KIF24: variants seen among roughly 807,000 people sequenced by gnomAD.
KIF24 encodes kinesin family member 24.
KIF24 carries 81 observed loss-of-function variants against 118.9 expected under a neutral mutation model. The observed-to-expected ratio is 0.68, with a 90% CI of 0.57 to 0.82. The LOEUF is 0.82. KIF24 is among the 40% of genes least tolerant of loss of function. The probability of loss-of-function intolerance (pLI) is 0.00; values close to 1 mark genes in which losing one functional copy is unlikely to be tolerated. For missense variants in KIF24, 1,560 were observed against 1,661.6 expected (o/e 0.94, Z 1.06); for synonymous variants, 599 against 610.0 (o/e 0.98, Z 0.27).
intron 9 of KIF24, among the ~76,000 whole-genome samples, chr9:34,262,393 A>G (rs1835088630): frequency 6.6e-6 from 1 of 152,036 alleles, no homozygotes; most frequent in African/African-American, 2.4e-5. Flanking sequence ...ACGCTTGGGA[A>G]GAAAAGTTGT....
At chr9:34,255,556 T>C (rs1050301201) in intron 11 of KIF24, among the ~76,000 whole-genome samples, 179 bp downstream of exon 11, 1 of 152,206 alleles carries the variant, frequency 6.6e-6, no homozygotes, top group African/African-American at 2.4e-5. Flanking sequence ...TTGCCTGGTC[T>C]GCTATCATTT....
chr9:34,329,853 G>GGGT (rs140851024), upstream of KIF24, among the ~76,000 whole-genome samples: 34,225 of 152,020 alleles, frequency 0.23, 4,511 homozygotes, highest in East Asian at 0.61. Context: ...AGTGGGGATA[G>GGGT]GGTGGGTCGT....
chr9:34,264,471 C>T (rs1017865491), intron 8 of KIF24, among the ~76,000 whole-genome samples: 5 of 151,854 alleles, frequency 3.3e-5, no homozygotes, highest in Admixed American at 2.0e-4. Context: ...TGGAAGCAAT[C>T]CCTTGGAATT....
Position 34,310,958 on chromosome 9 carries a change from T to C in KIF24, c.389A>G (p.Lys130Arg). The C allele has an allele frequency of 6.2e-7, 1 of 1,613,994 alleles. No individual in the cohort carries two copies. The highest frequency in any genetic ancestry group is 8.5e-7 in the Non-Finnish European group (1 of 1,179,862). ...SLSDFSANEQ[K>R]STYLKVLEHM... ...TTCTAGCACTTTTAGGTAAGTGGAC[T>C]TCTGTTCATTTGCAGAGAAATCTGA... Residue 130 changes from lysine (K) to arginine (R), a missense_variant, in exon 2 of 13, where the codon AAG becomes AGG. Physicochemically the swap from Lys to Arg is conservative, Grantham distance 26. This residue lies in a region of KIF24 where 964 missense variants were observed against 988.0 expected (regional missense o/e 0.98). Coordinates refer to ENST00000402558, the MANE Select transcript of KIF24 (RefSeq NM_194313.4).
At chr9:34,302,339 T>C (rs1430106349) in intron 3 of KIF24, among the ~76,000 whole-genome samples, 1 of 152,090 alleles carries the variant, frequency 6.6e-6, no homozygotes, top group Non-Finnish European at 1.5e-5. Context: ...AGTCTTACTC[T>C]GTCACCCAGG....
At chr9:34,281,884 C>T (rs1043998175) in intron 6 of KIF24, among the ~76,000 whole-genome samples, 4 of 152,156 alleles carry the variant, frequency 2.6e-5, no homozygotes, top group Admixed American at 6.5e-5. Context: ...AGAAAGACTG[C>T]GATGGCTGCA....
chr9:34,287,305 T>C (rs970798495), intron 5 of KIF24, among the ~76,000 whole-genome samples: 2 of 152,242 alleles, frequency 1.3e-5, no homozygotes, highest in African/African-American at 4.8e-5. Context: ...GAGCCAATGA[T>C]TTCCCTAAAT....
rs1181452187 is a variant in KIF24, at chr9:34,256,751, T to TCTTTC, written c.2851_2855dup (p.Gly953LysfsTer58). On this transcript the variant is annotated frameshift_variant, in exon 11 of 13. Transcript: ENST00000402558. LOFTEE classifies it high-confidence loss of function. The stretch of plus-strand genomic sequence containing the variant: ...TGAGATCAAAGGAAGAGCCTCCACC[T>TCTTTC]CTTTCCTGTCTATATATGAAATCTA... 10 of 1,613,994 alleles carry TCTTTC rather than the reference T, an allele frequency of 6.2e-6. No homozygotes were observed. Among genetic ancestry groups the TCTTTC allele is most frequent in the Non-Finnish European group, 8.5e-6 (10 of 1,179,882 alleles).
Position 34,313,259 on chromosome 9 carries a change from G to C in KIF24, c.-25-1888C>G, listed in dbSNP as rs112707263. On this transcript the variant is annotated intron_variant, in intron 1 of 12. Coordinates refer to ENST00000402558, the MANE Select transcript of KIF24 (RefSeq NM_194313.4). ...CTATCCAGGCCCAGTGGCACCACTA[G>C]ATGACTGCAACCACATGAGTGACCC... Among the ~76,000 whole-genome samples the C allele has an allele frequency of 1.9e-3, 288 of 152,274 alleles. 1 individual carries two copies. Among genetic ancestry groups the C allele is most frequent in the African/African-American group, 6.7e-3 (277 of 41,566 alleles).
intron 6 of KIF24, among the ~76,000 whole-genome samples, chr9:34,279,611 T>C (rs1033873633): frequency 6.6e-6 from 1 of 152,178 alleles, no homozygotes; most frequent in African/African-American, 2.4e-5. Flanking sequence ...GGAAGGACAA[T>C]CCCATTTGAA....
chr9:34,281,947 G>A (rs1208065263), intron 6 of KIF24, among the ~76,000 whole-genome samples: 1 of 152,152 alleles, frequency 6.6e-6, no homozygotes, highest in African/African-American at 2.4e-5. Context: ...CATACTGCTG[G>A]TGGGAGTATA....
At position 34,271,914 on chromosome 9, in the gene KIF24, C is replaced by T. The variant is rs761782342; in HGVS notation, c.1232G>A (p.Ser411Asn). The change falls in exon 7 of 13, where the codon AGC becomes AAC. Residue 411 changes from serine to asparagine, a missense_variant. Around this residue, in one of 3 missense-constraint regions of KIF24, gnomAD observed 964 missense variants for 988.0 expected, o/e 0.98. Transcript: ENST00000402558. ...ELLLEVILKG[S>N]KERSTGATGV... Reference sequence around the variant, plus strand: ...AGTGGCCCCAGTGCTGCGCTCCTTGCTGCCCTTTAAGATCACCTGAAAATA... The same window carrying T: ...AGTGGCCCCAGTGCTGCGCTCCTTGTTGCCCTTTAAGATCACCTGAAAATA... 5 of 1,598,414 alleles carry T rather than the reference C, an allele frequency of 3.1e-6. No individual in the cohort carries two copies. The East Asian group carries it at 1.1e-4, about 36-fold the overall frequency.
At chr9:34,306,833 G>A (rs1358438914) in intron 2 of KIF24, among the ~76,000 whole-genome samples, 3 of 151,860 alleles carry the variant, frequency 2.0e-5, no homozygotes, top group African/African-American at 7.3e-5. Context: ...ACATTTTGCT[G>A]TATATTAGGC....
intron 6 of KIF24, among the ~76,000 whole-genome samples, chr9:34,279,874 G>C (rs1185185001): frequency 6.6e-6 from 1 of 152,212 alleles, no homozygotes; most frequent in African/African-American, 2.4e-5. Context: ...CTTGATCTCA[G>C]CTGGCTTCCT....
chr9:34,311,732 A>ATATG (rs1304215593), intron 1 of KIF24, among the ~76,000 whole-genome samples: 2 of 147,554 alleles, frequency 1.4e-5, no homozygotes, highest in African/African-American at 5.0e-5. Context: ...ATACACGTAT[A>ATATG]TATATACATA....
At chr9:34,262,700 A>G (rs1180246919) in intron 9 of KIF24, among the ~76,000 whole-genome samples, 1 of 79,962 alleles carries the variant, frequency 1.3e-5, no homozygotes, top group Non-Finnish European at 2.3e-5. Context: ...ATATATATAT[A>G]TATATATATA....
chr9:34,275,699 G>A (rs1050285487), intron 6 of KIF24, among the ~76,000 whole-genome samples: 2 of 152,058 alleles, frequency 1.3e-5, no homozygotes, highest in Non-Finnish European at 2.9e-5. Context: ...AACTAGCTGG[G>A]CATGGTGATG....
intron 6 of KIF24, among the ~76,000 whole-genome samples, chr9:34,272,491 G>A (rs896386336): frequency 6.6e-6 from 1 of 152,212 alleles, no homozygotes; most frequent in Non-Finnish European, 1.5e-5. Context: ...AGTCCTTCCG[G>A]CCATCATGGA....
chr9:34,257,297 C>T lies in KIF24; in HGVS notation c.2310G>A (p.Gln770=). The T allele has an allele frequency of 6.2e-7, 1 of 1,614,038 alleles. No individual in the cohort carries two copies. Among genetic ancestry groups the T allele is most frequent in the South Asian group, 1.1e-5 (1 of 91,088 alleles). The change falls in exon 11 of 13, where the codon CAG becomes CAA. Residue 770 remains glutamine (Q), a synonymous_variant. Coordinates refer to ENST00000402558, the MANE Select transcript of KIF24 (RefSeq NM_194313.4). ...REEHLRFYHQ[Q]FQQPPLLQQK... is the part of the protein sequence containing the mutation. ...GTTGGAGGAGAGGTGGCTGTTGGAA[C>T]TGCTGGTGATAGAAACGCAGATGTT...
Sources: gnomAD v4.1 joint callset for allele counts (sites outside exome capture counted in the v4.1 genomes callset) on GRCh38, gnomAD v4.1.1 for gene constraint, gnomAD v4.1.1 regional missense constraint, MANE v1.5 for transcripts, NCBI Gene and HGNC (gene_info 2026-07-23, HGNC 2026-07-21) for gene names.